The following HHAT variants were observed in gnomAD, a reference collection of about 807,000 sequenced individuals.
HHAT encodes the protein hedgehog acyltransferase.
A neutral mutation model predicts 70.8 loss-of-function variants in HHAT; 47 were observed. That is an observed-to-expected ratio of 0.66 (90% CI 0.53 to 0.85). HHAT has a LOEUF of 0.85. Ranked by LOEUF, HHAT falls within the 40% of genes least tolerant of loss-of-function variation. The probability of loss-of-function intolerance (pLI) is 0.00; values close to 1 mark genes in which losing one functional copy is unlikely to be tolerated. For synonymous variants in HHAT, 228 were observed against 247.6 expected (o/e 0.92, Z 0.74); for missense variants, 609 against 604.8 (o/e 1.01, Z -0.07).
chr1:210,633,271 T>C (rs750228036), intron 11 of HHAT, among the ~76,000 whole-genome samples: 33 of 152,180 alleles, frequency 2.2e-4, no homozygotes, highest in Non-Finnish European at 3.4e-4. Flanking sequence ...CTTCAAATGT[T>C]CAGGTCCACA....
chr1:210,603,586 C>T (rs1431351633), intron 10 of HHAT, among the ~76,000 whole-genome samples: 1 of 152,012 alleles, frequency 6.6e-6, no homozygotes, highest in Non-Finnish European at 1.5e-5. Flanking sequence ...AAAATAGCCC[C>T]CTTGTTTCTT....
At chr1:210,482,327 G>A (rs2094409641) in intron 8 of HHAT, among the ~76,000 whole-genome samples, 1 of 152,172 alleles carries the variant, frequency 6.6e-6, no homozygotes, top group Non-Finnish European at 1.5e-5. Context: ...TGGGATTACA[G>A]TACCTGCTGC....
intron 6 of HHAT, among the ~76,000 whole-genome samples, chr1:210,410,630 G>A (rs1035844980): frequency 4.1e-5 from 6 of 145,808 alleles, no homozygotes; most frequent in East Asian, 4.3e-4. Flanking sequence ...AGGTTCAAGC[G>A]ATTCTCCTGC....
chr1:210,551,141 A>T (rs1346740478), intron 9 of HHAT, among the ~76,000 whole-genome samples: 1 of 148,948 alleles, frequency 6.7e-6, no homozygotes, highest in African/African-American at 2.5e-5. Context: ...GGAATAATCA[A>T]ATGTCTTGGC....
intron 9 of HHAT, among the ~76,000 whole-genome samples, chr1:210,547,549 C>T (rs983533202): frequency 3.9e-5 from 6 of 152,214 alleles, no homozygotes; most frequent in Middle Eastern, 6.8e-3. Context: ...ATTTTATCTG[C>T]GTATTAAGGC....
At chr1:210,329,830 C>T (rs1355263739) in intron 1 of HHAT, among the ~76,000 whole-genome samples, 1 of 152,224 alleles carries the variant, frequency 6.6e-6, no homozygotes, top group Admixed American at 6.5e-5. Context: ...TCACTGCAAC[C>T]TCAGCATCCC....
chr1:210,576,394 C>T (rs944024098), intron 9 of HHAT, among the ~76,000 whole-genome samples: 1 of 151,714 alleles, frequency 6.6e-6, no homozygotes, highest in Non-Finnish European at 1.5e-5. Flanking sequence ...ATAAGCATAT[C>T]CATTACCTCC....
At chr1:210,513,261 T>A in intron 9 of HHAT, 73 bp downstream of exon 9, 2 of 798,656 alleles carry the variant, frequency 2.5e-6, no homozygotes. Flanking sequence ...TGGAAAATCT[T>A]TGTTAAGTAT....
intron 9 of HHAT, among the ~76,000 whole-genome samples, chr1:210,529,103 G>A (rs568338635): frequency 1.4e-3 from 219 of 152,202 alleles, no homozygotes; most frequent in African/African-American, 4.9e-3. Flanking sequence ...TCAGGAGTTC[G>A]AGACCAGCCT....
At chr1:210,428,323 T>C (rs1369148347) in intron 7 of HHAT, among the ~76,000 whole-genome samples, 2 of 46,704 alleles carry the variant, frequency 4.3e-5, no homozygotes, top group African/African-American at 1.2e-4. Flanking sequence ...TATATATATA[T>C]ATATATATAT....
At chr1:210,644,653 G>C (rs550803970) in intron 11 of HHAT, among the ~76,000 whole-genome samples, 1 of 150,416 alleles carries the variant, frequency 6.6e-6, no homozygotes, top group Non-Finnish European at 1.5e-5. Context: ...GGAGAGTGGA[G>C]TGATCAATCT....
intron 1 of HHAT, among the ~76,000 whole-genome samples, chr1:210,338,954 G>A (rs2085755957): frequency 6.6e-6 from 1 of 152,186 alleles, no homozygotes; most frequent in Non-Finnish European, 1.5e-5. Flanking sequence ...AGGATCACTT[G>A]AGCCCAGGAG....
At chr1:210,398,995 G>A (rs1447007193) in intron 4 of HHAT, among the ~76,000 whole-genome samples, 1 of 152,146 alleles carries the variant, frequency 6.6e-6, no homozygotes, top group Non-Finnish European at 1.5e-5. Flanking sequence ...AGAATGGTAG[G>A]TAGGCAATAT....
At chr1:210,409,238 A>T (rs1246095543) in intron 6 of HHAT, among the ~76,000 whole-genome samples, 1 of 152,156 alleles carries the variant, frequency 6.6e-6, no homozygotes, top group Non-Finnish European at 1.5e-5. Context: ...AGGGAAACAG[A>T]GGCAAAGAGA....
chr1:210,643,687 T>C (rs1673417473), intron 11 of HHAT, among the ~76,000 whole-genome samples: 1 of 151,926 alleles, frequency 6.6e-6, no homozygotes, highest in Non-Finnish European at 1.5e-5. Context: ...GGCATTTGCG[T>C]TGTCTTTCAG....
At chr1:210,584,987 C>T (rs1196938171) in intron 9 of HHAT, among the ~76,000 whole-genome samples, 2 of 152,178 alleles carry the variant, frequency 1.3e-5, no homozygotes, top group African/African-American at 2.4e-5. Context: ...ATTTGATTGT[C>T]AAGATGGTCC....
chr1:210,398,537 G>A (rs1408009353), intron 4 of HHAT, among the ~76,000 whole-genome samples: 1 of 152,194 alleles, frequency 6.6e-6, no homozygotes, highest in African/African-American at 2.4e-5. Flanking sequence ...GCACTATCAA[G>A]TATTTCCTGA....
chr1:210,650,165 C>G (rs1674844403), intron 11 of HHAT, among the ~76,000 whole-genome samples: 1 of 152,164 alleles, frequency 6.6e-6, no homozygotes, highest in African/African-American at 2.4e-5. Flanking sequence ...TCATTATTTC[C>G]CATTCTTGAA....
At chr1:210,661,890 G>A (rs1292802229) in intron 11 of HHAT, among the ~76,000 whole-genome samples, 1 of 152,140 alleles carries the variant, frequency 6.6e-6, no homozygotes, top group East Asian at 1.9e-4. Flanking sequence ...TGTAAATGAC[G>A]AGTTAATGGG....
Sources: allele counts gnomAD v4.1 joint callset (sites outside exome capture counted in the v4.1 genomes callset), GRCh38; gene constraint gnomAD v4.1.1; transcripts MANE v1.5; gene names NCBI Gene and HGNC (gene_info 2026-07-23, HGNC 2026-07-21).